EML1: variants seen among roughly 807,000 people sequenced by gnomAD.
EML1 encodes the protein EMAP like 1.
EML1 carries 27 observed loss-of-function variants against 110.4 expected under a neutral mutation model. The ratio of observed to expected loss-of-function variants is 0.24; its 90% CI spans 0.18 to 0.34. The LOEUF (loss-of-function observed/expected upper bound fraction) is 0.34. EML1 is among the 10% of genes least tolerant of loss of function. The pLI, the probability that EML1 is intolerant of heterozygous loss-of-function variation, is 1.00. For missense variants in EML1, 741 were observed against 1,030.9 expected, an observed-to-expected ratio of 0.72 and a Z score of 3.85; for synonymous variants, 344 against 385.8, an observed-to-expected ratio of 0.89 and a Z score of 1.27.
In EML1 at chr14:99,941,010, A is replaced by C. The variant is rs1859995978; in HGVS notation, c.*898A>C. 1 of 152,234 alleles carries C rather than the reference A, an allele frequency of 6.6e-6. No homozygotes were observed. Among genetic ancestry groups the C allele is most frequent in the Admixed American group, 6.5e-5 (1 of 15,278 alleles). The allele number at this position is 152,234 out of a possible 1,614,324, so 9.4% of individuals were successfully genotyped here. A position where few individuals can be genotyped will look rare whatever the true frequency, so the allele number is the denominator to read the frequency against. ...CATTGTATATTTGTATTTTATGACC[A>C]AGTAGACCAAGTCAGAAAGATCTCT... On this transcript the variant is annotated 3_prime_UTR_variant, in exon 22 of 22. Coordinates refer to ENST00000262233, the MANE Select transcript of EML1 (RefSeq NM_004434.3).
chr14:99,854,382 A>G (rs2058865733), intron 2 of EML1, among the ~76,000 whole-genome samples: 1 of 152,202 alleles, frequency 6.6e-6, no homozygotes, highest in Non-Finnish European at 1.5e-5. Context: ...AGGTTCATGG[A>G]AATAATTCAC....
At chr14:99,922,403 A>G (rs2060145723) in intron 17 of EML1, among the ~76,000 whole-genome samples, 1 of 152,266 alleles carries the variant, frequency 6.6e-6, no homozygotes, top group East Asian at 1.9e-4. Context: ...GGCGTGAGCC[A>G]CCGCACCCTG....
intron 4 of EML1, 87 bp from the exon 5 acceptor site, chr14:99,891,112 A>G: frequency 6.8e-7 from 1 of 1,476,282 alleles, no homozygotes; most frequent in Non-Finnish European, 9.4e-7. Flanking sequence ...GTGGCAGACT[A>G]CTGCAGCCGT....
In EML1 at chr14:99,936,596, A is replaced by AG. The variant is rs1298253528; in HGVS notation, c.2095+268dup. On this transcript the variant is annotated intron_variant, in intron 19 of 21. Coordinates refer to ENST00000262233, the MANE Select transcript of EML1 (RefSeq NM_004434.3). The surrounding 1 kb of genome is among the most constrained non-coding windows in gnomAD (Gnocchi z 5.5). Reference sequence around the variant, plus strand: ...AGGGGAAGAAGGCCAAGCCCTGCAGAGGGGGGCTTGGGGCAGGCGGATGTG... The same window carrying AG: ...AGGGGAAGAAGGCCAAGCCCTGCAGAGGGGGGGCTTGGGGCAGGCGGATGTG... Among the ~76,000 whole-genome samples, 1 of 151,860 alleles carries AG rather than the reference A, an allele frequency of 6.6e-6. No homozygotes were observed. The highest frequency in any genetic ancestry group is 1.5e-5 in the Non-Finnish European group (1 of 67,962).
intron 1 of EML1, among the ~76,000 whole-genome samples, chr14:99,808,268 C>T (rs868837291): frequency 6.6e-6 from 1 of 152,284 alleles, no homozygotes; most frequent in Middle Eastern, 3.4e-3. Context: ...CTGCACAGTG[C>T]CTCGCAGGGA....
intron 1 of EML1, among the ~76,000 whole-genome samples, chr14:99,741,549 A>C (rs955689469): frequency 6.6e-6 from 1 of 151,978 alleles, no homozygotes; most frequent in Non-Finnish European, 1.5e-5. Flanking sequence ...GCCTGCAAAC[A>C]TTAGTGGGGC....
chr14:99,853,282 G>A (rs534659037), intron 2 of EML1, among the ~76,000 whole-genome samples: 148 of 152,350 alleles, frequency 9.7e-4, no homozygotes, highest in South Asian at 1.5e-3. Flanking sequence ...AGGTGAATGG[G>A]CTGCATCCCC....
chr14:99,912,738 TG>T (rs2059965992), intron 13 of EML1, among the ~76,000 whole-genome samples: 1 of 152,250 alleles, frequency 6.6e-6, no homozygotes, highest in Non-Finnish European at 1.5e-5. Flanking sequence ...GAACATATTG[TG>T]AATTGCTAGA....
At chr14:99,867,560 G>A (rs1205450794) in intron 3 of EML1, among the ~76,000 whole-genome samples, 6 of 152,070 alleles carry the variant, frequency 3.9e-5, no homozygotes, top group African/African-American at 1.4e-4. Context: ...TTATTCCTAA[G>A]TATTTTATCC....
chr14:99,937,419 C>T (rs1032727766), intron 19 of EML1, among the ~76,000 whole-genome samples: 9 of 152,162 alleles, frequency 5.9e-5, no homozygotes, highest in East Asian at 1.9e-4. Context: ...CAATAACCTC[C>T]ATTCCTGACA....
chr14:99,747,300 G>A (rs1426126572), intron 1 of EML1, among the ~76,000 whole-genome samples: 7 of 151,954 alleles, frequency 4.6e-5, no homozygotes, highest in Admixed American at 1.3e-4. Flanking sequence ...AGGGCACTGC[G>A]CATTCTTCCA....
intron 13 of EML1, among the ~76,000 whole-genome samples, chr14:99,911,868 T>G (rs2059951641): frequency 6.6e-6 from 1 of 152,042 alleles, no homozygotes; most frequent in Non-Finnish European, 1.5e-5. Flanking sequence ...ATCTGTCTTC[T>G]CTTTTAACTT....
intron 1 of EML1, among the ~76,000 whole-genome samples, chr14:99,841,638 G>A (rs936844216): frequency 6.6e-6 from 1 of 152,180 alleles, no homozygotes; most frequent in Non-Finnish European, 1.5e-5. Context: ...AAGTTGGAAC[G>A]TGTAGCCCTG....
At chr14:99,740,640 G>T (rs8003164) in intron 1 of EML1, among the ~76,000 whole-genome samples, 1 of 152,136 alleles carries the variant, frequency 6.6e-6, no homozygotes, top group Non-Finnish European at 1.5e-5. Flanking sequence ...ATCAAGTACC[G>T]GCCCACACAC....
At chr14:99,742,342 T>G (rs1034654186) in intron 1 of EML1, among the ~76,000 whole-genome samples, 1 of 152,124 alleles carries the variant, frequency 6.6e-6, no homozygotes, top group African/African-American at 2.4e-5. Flanking sequence ...GGCCAGTTCA[T>G]CCCTTGGGGA....
Position 99,894,740 on chromosome 14 carries a change from G to A in EML1, c.659G>A (p.Arg220Lys), listed in dbSNP as rs768458744. 1.9e-5 allele frequency: 30 copies of A among 1,612,752 alleles called. No individual in the cohort carries two copies. The highest frequency in any genetic ancestry group is 3.3e-4 in the Middle Eastern group (2 of 6,060). The change falls in exon 6 of 22, where the codon AGA (arginine) becomes AAA (lysine). Residue 220 changes from arginine (R) to lysine (K), a missense_variant. Coordinates refer to ENST00000262233, the MANE Select transcript of EML1 (RefSeq NM_004434.3). The part of the protein sequence containing the change: ...LEAKVELPTK[R>K]LKLEWVYGYR... ...GCAAAAGTAGAACTTCCAACCAAGA[G>A]ACTCAAGCTGGAATGGGTGTATCCT... is the stretch of plus-strand genomic sequence containing the variant.
chr14:99,751,607 G>A lies in EML1; in HGVS notation c.28+13747G>A, dbSNP rs113546950. ...AATCAGGGACGGGGTGTCAGAACAG[G>A]GCTATGGAGAGAGGCCTGGATACTC... On this transcript the variant is annotated intron_variant, in intron 1 of 10. Coordinates refer to the EML1 transcript ENST00000554479. 2.6e-3 allele frequency among the ~76,000 whole-genome samples: 390 copies of A among 152,240 alleles called. 2 individuals carry two copies. The highest frequency in any genetic ancestry group is 8.8e-3 in the African/African-American group (366 of 41,538).
At chr14:99,934,549 C>T (rs548340376) in intron 17 of EML1, among the ~76,000 whole-genome samples, 13 of 152,368 alleles carry the variant, frequency 8.5e-5, no homozygotes, top group East Asian at 1.9e-4. Context: ...TGATGCTTTA[C>T]GCGCCTGTGA....
intron 16 of EML1, among the ~76,000 whole-genome samples, chr14:99,918,325 A>G (rs1448440546): frequency 6.6e-6 from 1 of 152,056 alleles, no homozygotes; most frequent in African/African-American, 2.4e-5. Context: ...CTTGAGCTCT[A>G]GCTCAAGCAG....
Sources: gnomAD v4.1 joint callset for allele counts (sites outside exome capture counted in the v4.1 genomes callset) on GRCh38, gnomAD v4.1.1 for gene constraint, Gnocchi (gnomAD v3.1) non-coding constraint, MANE v1.5 for transcripts, NCBI Gene and HGNC (gene_info 2026-07-23, HGNC 2026-07-21) for gene names.